The following MIPOL1 variants were observed in gnomAD, a reference collection of about 807,000 sequenced individuals.
The protein encoded by MIPOL1 is mirror-image polydactyly 1.
In MIPOL1, 57 loss-of-function variants were observed where a neutral mutation model predicts 60.9. The observed-to-expected ratio is 0.94, with a 90% confidence interval of 0.76 to 1.17. The LOEUF is 1.17. Among genes scored for constraint, MIPOL1 ranks in the 50% most tolerant of loss-of-function variants. MIPOL1 has a pLI of 0.00. For missense variants in MIPOL1, 551 were observed against 511.6 expected (o/e 1.08, Z -0.74); for synonymous variants, 179 against 168.8 (o/e 1.06, Z -0.47).
At chr14:37,201,633 G>C (rs961000039) in intron 1 of MIPOL1, among the ~76,000 whole-genome samples, 6 of 151,998 alleles carry the variant, frequency 3.9e-5, no homozygotes, top group African/African-American at 1.4e-4. Context: ...CCATTGACTT[G>C]GGCCGTGAAG....
At chr14:37,364,008 G>A (rs1051992437) in intron 9 of MIPOL1, among the ~76,000 whole-genome samples, 2 of 152,140 alleles carry the variant, frequency 1.3e-5, no homozygotes, top group East Asian at 3.9e-4. Flanking sequence ...TATTTGGGCC[G>A]GAATGTCCCA....
At chr14:37,518,113 C>T (rs566555635) in intron 12 of MIPOL1, among the ~76,000 whole-genome samples, 8 of 152,166 alleles carry the variant, frequency 5.3e-5, no homozygotes, top group Non-Finnish European at 1.2e-4. Context: ...GGCATATATT[C>T]TAAGAACAGA....
intron 1 of MIPOL1, among the ~76,000 whole-genome samples, chr14:37,239,549 A>G (rs1419103352): frequency 6.6e-6 from 1 of 152,212 alleles, no homozygotes; most frequent in African/African-American, 2.4e-5. Flanking sequence ...CAACACTTAC[A>G]TAAAATTTAT....
rs576752818 is a variant in MIPOL1, at chr14:37,294,148, C to G, written c.623+8701C>G. 9.2e-5 allele frequency among the ~76,000 whole-genome samples: 14 copies of G among 152,294 alleles called. No individual in the cohort carries two copies. In the East Asian group the frequency reaches 2.5e-3, roughly 27 times the overall value. ...CGATCAGGCAGCAGCATTTGCGGTTCACCAATATCTGCTGTTCTGCAGCCA... is the reference window on the plus strand; with the variant it reads ...CGATCAGGCAGCAGCATTTGCGGTTGACCAATATCTGCTGTTCTGCAGCCA... On this transcript the variant is annotated intron_variant, in intron 7 of 12. Transcript: ENST00000684589.
intron 10 of MIPOL1, among the ~76,000 whole-genome samples, chr14:37,394,894 G>GCAGGTCTTGGATTTAAGTC (rs1239741564): frequency 6.6e-6 from 1 of 152,080 alleles, no homozygotes; most frequent in African/African-American, 2.4e-5. Flanking sequence ...TTTTATAGTT[G>GCAGGTCTTGGATTTAAGTC]CAGGTCTTGG....
At chr14:37,220,200 G>A (rs914618066) in intron 1 of MIPOL1, among the ~76,000 whole-genome samples, 22 of 151,900 alleles carry the variant, frequency 1.4e-4, no homozygotes, top group African/African-American at 5.1e-4. Flanking sequence ...GTATTATTAC[G>A]TTACATTCTT....
chr14:37,546,880 C>T (rs1335269568), intron 12 of MIPOL1, 25 bp from the exon 13 acceptor site: 4 of 1,604,714 alleles, frequency 2.5e-6, no homozygotes, highest in Middle Eastern at 1.7e-4. Flanking sequence ...TTCCCCTTCT[C>T]ACCCCCATCC....
intron 11 of MIPOL1, among the ~76,000 whole-genome samples, chr14:37,495,710 T>G (rs11626095): frequency 2.5e-5 from 3 of 118,914 alleles, no homozygotes; most frequent in Admixed American, 8.7e-5. Context: ...CGCCACACTG[T>G]CTTCCACAAT....
intron 6 of MIPOL1, among the ~76,000 whole-genome samples, chr14:37,284,246 A>G (rs1165490328): frequency 6.6e-6 from 1 of 151,366 alleles, no homozygotes; most frequent in Admixed American, 6.6e-5. Flanking sequence ...TCCCTTACCC[A>G]TTTTCTTTTC....
intron 7 of MIPOL1, among the ~76,000 whole-genome samples, chr14:37,290,616 C>A (rs189785723): frequency 6.6e-6 from 1 of 152,170 alleles, no homozygotes; most frequent in Admixed American, 6.5e-5. Context: ...GGCAATTGTT[C>A]ATCATTCTTT....
chr14:37,235,136 C>A (rs1369485958), intron 1 of MIPOL1, among the ~76,000 whole-genome samples: 1 of 151,766 alleles, frequency 6.6e-6, no homozygotes, highest in African/African-American at 2.4e-5. Context: ...TTTCATGATG[C>A]CCTTAGTGTC....
At chr14:37,538,640 G>C (rs919581567) in intron 12 of MIPOL1, among the ~76,000 whole-genome samples, 1 of 152,108 alleles carries the variant, frequency 6.6e-6, no homozygotes, top group Non-Finnish European at 1.5e-5. Flanking sequence ...TCCACCCTTT[G>C]AATCTGGGCT....
intron 1 of MIPOL1, among the ~76,000 whole-genome samples, chr14:37,242,730 G>T (rs914483520): frequency 6.6e-6 from 1 of 152,228 alleles, no homozygotes; most frequent in East Asian, 1.9e-4. Flanking sequence ...AGAGATGGGG[G>T]AGAAAAATCA....
At chr14:37,249,259 C>G (rs1973700397) in intron 3 of MIPOL1, among the ~76,000 whole-genome samples, 2 of 152,188 alleles carry the variant, frequency 1.3e-5, no homozygotes, top group East Asian at 3.9e-4. Context: ...TGCATCTCTT[C>G]CTTTTTTGGT....
intron 3 of MIPOL1, among the ~76,000 whole-genome samples, chr14:37,258,677 C>T (rs1000846217): frequency 2.6e-5 from 4 of 152,048 alleles, no homozygotes; most frequent in African/African-American, 9.7e-5. Context: ...TTATATTGTG[C>T]TCATTGCCTT....
At chr14:37,320,798 C>T (rs186857637) in intron 9 of MIPOL1, among the ~76,000 whole-genome samples, 38 of 152,074 alleles carry the variant, frequency 2.5e-4, no homozygotes, top group Admixed American at 2.1e-3. Flanking sequence ...CATTTATTTT[C>T]TTCATATAGA....
chr14:37,508,150 C>T (rs969656185), intron 12 of MIPOL1, among the ~76,000 whole-genome samples: 1 of 152,058 alleles, frequency 6.6e-6, no homozygotes, highest in Non-Finnish European at 1.5e-5. Flanking sequence ...AATCTGAAAT[C>T]ATTATTATTA....
At chr14:37,201,319 C>T (rs1416336103) in intron 1 of MIPOL1, among the ~76,000 whole-genome samples, 1 of 152,076 alleles carries the variant, frequency 6.6e-6, no homozygotes, top group African/African-American at 2.4e-5. Context: ...CAGTTTGATT[C>T]TTGTCTGAAT....
At chr14:37,336,952 G>T (rs1490075858) in intron 9 of MIPOL1, among the ~76,000 whole-genome samples, 1 of 151,712 alleles carries the variant, frequency 6.6e-6, no homozygotes, top group Non-Finnish European at 1.5e-5. Context: ...AGTAGAGATG[G>T]GGTTTCACCA....
Sources: allele counts gnomAD v4.1 joint callset (sites outside exome capture counted in the v4.1 genomes callset), GRCh38; gene constraint gnomAD v4.1.1; transcripts MANE v1.5; gene names NCBI Gene and HGNC (gene_info 2026-07-23, HGNC 2026-07-21).